GALNT15: variants seen among roughly 807,000 people sequenced by gnomAD.
The protein encoded by GALNT15 is UDP-GalNAc transferase T15.
In GALNT15, 67 loss-of-function variants were observed where a neutral mutation model predicts 66.8. That is an observed-to-expected ratio of 1.00 (90% CI 0.82 to 1.23). GALNT15 has a LOEUF of 1.23. GALNT15 is among the 50% of genes most tolerant of loss of function. The pLI, the probability that GALNT15 is intolerant of heterozygous loss-of-function variation, is 0.00. For missense variants in GALNT15, 827 were observed against 804.3 expected, an observed-to-expected ratio of 1.03 and a Z score of -0.34; for synonymous variants, 313 against 311.5, an observed-to-expected ratio of 1.00 and a Z score of -0.05.
chr3:16,245,474 T>C, the GALNT15 span, among the ~76,000 whole-genome samples: 1 of 152,276 alleles, frequency 6.6e-6, no homozygotes, highest in Non-Finnish European at 1.5e-5. Flanking sequence ...GTGGGAATCC[T>C]GCCACAGGGC....
At chr3:16,178,768 C>A (rs908641108) in intron 1 of GALNT15, among the ~76,000 whole-genome samples, 1 of 152,222 alleles carries the variant, frequency 6.6e-6, no homozygotes, top group African/African-American at 2.4e-5. Flanking sequence ...ATATTAAGTG[C>A]CTGCAGTATG....
At chr3:16,243,280 G>A in the GALNT15 span, among the ~76,000 whole-genome samples, 3 of 152,190 alleles carry the variant, frequency 2.0e-5, no homozygotes, top group Non-Finnish European at 4.4e-5. Context: ...ATGGAAGTTC[G>A]GCCAGAGCTG....
the GALNT15 span, among the ~76,000 whole-genome samples, chr3:16,242,831 G>T: frequency 1.1e-4 from 16 of 152,082 alleles, no homozygotes; most frequent in African/African-American, 3.9e-4. The surrounding 1 kb of genome is among the most constrained non-coding windows in gnomAD (Gnocchi z 5.6). Context: ...TGGTGGTAGG[G>T]ATTGCTGGGT....
In GALNT15 at chr3:16,175,132, A is replaced by G; in HGVS notation, c.-20A>G. On this transcript the variant is annotated 5_prime_UTR_variant, in exon 1 of 10. Coordinates refer to ENST00000339732, the MANE Select transcript of GALNT15 (RefSeq NM_054110.5). The surrounding 1 kb of genome is among the most constrained non-coding windows in gnomAD (Gnocchi z 5.6). ...AGCTAACTTGAACATGACCTGTTGC[A>G]TTTGGCAAGTTCTAGCAACATGCTC... 10 of 1,595,558 alleles carry G rather than the reference A, an allele frequency of 6.3e-6. No homozygotes were observed. Among genetic ancestry groups the G allele is most frequent in the Non-Finnish European group, 6.9e-6 (8 of 1,166,374 alleles).
intron 1 of GALNT15, among the ~76,000 whole-genome samples, chr3:16,178,928 C>G (rs2063441807): frequency 6.6e-6 from 1 of 152,232 alleles, no homozygotes; most frequent in African/African-American, 2.4e-5. Context: ...ACAAGCCCCT[C>G]TGGCCCAGTT....
In GALNT15 at chr3:16,204,949, G is replaced by A. The variant is rs1199746860; in HGVS notation, c.912-3554G>A. On this transcript the variant is annotated intron_variant, in intron 3 of 9. Transcript: ENST00000339732. This position sits in a 1 kb window ranked among gnomAD's most constrained non-coding sequence, Gnocchi z 4.5. ...AGTGTGGGGGGGAGCGAGCATGTGC[G>A]TGCGTGTGTGTGTGCGCGCGCATGT... is the stretch of plus-strand genomic sequence containing the variant. 1.3e-5 allele frequency among the ~76,000 whole-genome samples: 2 copies of A among 152,182 alleles called. No individual in the cohort carries two copies. The highest frequency in any genetic ancestry group is 2.4e-5 in the African/African-American group (1 of 41,452).
rs2063791687 is a variant in GALNT15, at chr3:16,209,626, T to A, written c.1079+956T>A. Among the ~76,000 whole-genome samples the A allele has an allele frequency of 6.6e-6, 1 of 152,114 alleles. No individual in the cohort carries two copies. The highest frequency in any genetic ancestry group is 2.4e-5 in the African/African-American group (1 of 41,404). On this transcript the variant is annotated intron_variant, in intron 4 of 9. Coordinates refer to ENST00000339732, the MANE Select transcript of GALNT15 (RefSeq NM_054110.5). The surrounding 1 kb of genome is among the most constrained non-coding windows in gnomAD (Gnocchi z 4.1). ...CGAGGCCAGGAGTTCGAGACCAACC[T>A]GGCCATCATGGCGAAACCCCATCTC...
chr3:16,238,115 A>G, the GALNT15 span, among the ~76,000 whole-genome samples: 95 of 152,320 alleles, frequency 6.2e-4, no homozygotes, highest in South Asian at 6.2e-3. This position sits in a 1 kb window ranked among gnomAD's most constrained non-coding sequence, Gnocchi z 4.8. Flanking sequence ...CATGGTCTAC[A>G]CTTCCTTATT....
In GALNT15 at chr3:16,195,830, T is replaced by A; in HGVS notation, c.610T>A (p.Trp204Arg). 2 of 1,614,102 alleles carry A rather than the reference T, an allele frequency of 1.2e-6. No homozygotes were observed. The highest frequency in any genetic ancestry group is 2.2e-5 in the East Asian group (1 of 44,878). ...CATCCTCTGTTTCCATGATGAGGCC[T>A]GGTCCACTCTCCTGCGGACTGTACA... ...SVILCFHDEAWSTLLRTVHSI... is the reference protein window; with the variant it reads ...SVILCFHDEARSTLLRTVHSI... The change falls in exon 2 of 10, where the codon TGG (tryptophan) becomes AGG (arginine). Residue 204 changes from tryptophan to arginine, a missense_variant. Transcript: ENST00000339732. This position sits in a 1 kb window ranked among gnomAD's most constrained non-coding sequence, Gnocchi z 4.6.
In GALNT15 at chr3:16,182,186, C is replaced by A. The variant is rs1007351266; in HGVS notation, c.539+6496C>A. 6.6e-6 allele frequency among the ~76,000 whole-genome samples: 1 copy of A among 152,122 alleles called. No individual in the cohort carries two copies. The highest frequency in any genetic ancestry group is 1.5e-5 in the Non-Finnish European group (1 of 68,026). On this transcript the variant is annotated intron_variant, in intron 1 of 9. Coordinates refer to ENST00000339732, the MANE Select transcript of GALNT15 (RefSeq NM_054110.5). The surrounding 1 kb of genome is among the most constrained non-coding windows in gnomAD (Gnocchi z 6.1). ...ACCTGCAGCCTCAGAAATGCAGACC[C>A]TTCAGACCCCACTTAAACCTACTAG...
chr3:16,232,719 C>T (rs892920114), downstream of GALNT15, among the ~76,000 whole-genome samples: 1 of 151,186 alleles, frequency 6.6e-6, no homozygotes, highest in African/African-American at 2.4e-5. Context: ...TTCCCCAGGC[C>T]TTGATAGATC....
chr3:16,246,182 G>C, the GALNT15 span, among the ~76,000 whole-genome samples: 1 of 151,960 alleles, frequency 6.6e-6, no homozygotes, highest in African/African-American at 2.4e-5. Flanking sequence ...CAAATCCCTC[G>C]CAAGTTGGCC....
Position 16,200,634 on chromosome 3 carries a change from C to T in GALNT15, c.722C>T (p.Ala241Val), listed in dbSNP as rs767157320. Residue 241 changes from alanine (A) to valine (V), a missense_variant, in exon 3 of 10, where the codon GCT becomes GTT. Transcript: ENST00000339732. The surrounding 1 kb of genome is among the most constrained non-coding windows in gnomAD (Gnocchi z 4.4). Reference sequence around the variant, plus strand: ...TTGATTCCAGGACAACTCAAGTCTGCTCTCAGCGAATATGTGGCCAGGCTG... The same window carrying T: ...TTGATTCCAGGACAACTCAAGTCTGTTCTCAGCGAATATGTGGCCAGGCTG... ...DLSQQGQLKS[A>V]LSEYVARLEG... 1.9e-6 allele frequency: 3 copies of T among 1,566,526 alleles called. No individual in the cohort carries two copies. Among genetic ancestry groups the T allele is most frequent in the Non-Finnish European group, 2.6e-6 (3 of 1,155,932 alleles).
At chr3:16,179,623 A>T (rs2063448024) in intron 1 of GALNT15, among the ~76,000 whole-genome samples, 1 of 152,174 alleles carries the variant, frequency 6.6e-6, no homozygotes, top group Non-Finnish European at 1.5e-5. Flanking sequence ...GGGAGACCCT[A>T]AAAATCCCCT....
chr3:16,194,914 C>A, intron 1 of GALNT15, among the ~76,000 whole-genome samples: 1 of 152,188 alleles, frequency 6.6e-6, no homozygotes, highest in East Asian at 1.9e-4. Flanking sequence ...ATGGTGGCAG[C>A]AAACCACTAT....
the GALNT15 span, among the ~76,000 whole-genome samples, chr3:16,237,736 C>T: frequency 6.6e-6 from 1 of 152,172 alleles, no homozygotes; most frequent in Admixed American, 6.5e-5. This position sits in a 1 kb window ranked among gnomAD's most constrained non-coding sequence, Gnocchi z 4.2. Flanking sequence ...TTGAGCATAT[C>T]CTTGACCACT....
At chr3:16,230,746 T>C (rs1170129626), downstream of GALNT15, among the ~76,000 whole-genome samples, 1 of 152,244 alleles carries the variant, frequency 6.6e-6, no homozygotes, top group Non-Finnish European at 1.5e-5. This position sits in a 1 kb window ranked among gnomAD's most constrained non-coding sequence, Gnocchi z 4.5. Context: ...AAATTGTCTG[T>C]GATCACTTTT....
At position 16,219,044 on chromosome 3, in the gene GALNT15, G is replaced by C. The variant is rs993259221; in HGVS notation, c.1393-359G>C. ...TTGGCCAGGCTGGTCTTGAACTCCT[G>C]ACCTCAAGTGATCCACCAGCCTCGG... On this transcript the variant is annotated intron_variant, in intron 6 of 9. Transcript: ENST00000339732. The surrounding 1 kb of genome is among the most constrained non-coding windows in gnomAD (Gnocchi z 4.3). 6.6e-6 allele frequency among the ~76,000 whole-genome samples: 1 copy of C among 152,068 alleles called. No homozygotes were observed.
intron 3 of GALNT15, among the ~76,000 whole-genome samples, chr3:16,202,727 T>C (rs2063716438): frequency 6.6e-6 from 1 of 152,254 alleles, no homozygotes; most frequent in African/African-American, 2.4e-5. Flanking sequence ...ATGTCTATCA[T>C]TGGAGTCAGA....
Sources: allele counts gnomAD v4.1 joint callset (sites outside exome capture counted in the v4.1 genomes callset), GRCh38; gene constraint gnomAD v4.1.1; non-coding constraint Gnocchi (gnomAD v3.1); transcripts MANE v1.5; gene names NCBI Gene and HGNC (gene_info 2026-07-23, HGNC 2026-07-21).